The following ATAD2B variants were observed in gnomAD, a reference collection of about 807,000 sequenced individuals.
The protein encoded by ATAD2B is ATPase family AAA domain-containing protein 2B.
ATAD2B carries 40 observed loss-of-function variants against 167.6 expected under a neutral mutation model. The ratio of observed to expected loss-of-function variants is 0.24; its 90% confidence interval spans 0.19 to 0.31. ATAD2B has a LOEUF of 0.31. ATAD2B is among the 10% of genes least tolerant of loss of function. The probability of loss-of-function intolerance (pLI) is 1.00; values close to 1 mark genes in which losing one functional copy is unlikely to be tolerated. For missense variants in ATAD2B, 1,242 were observed against 1,757.2 expected, an observed-to-expected ratio of 0.71 and a Z score of 5.24; for synonymous variants, 579 against 596.5, an observed-to-expected ratio of 0.97 and a Z score of 0.43.
chr2:23,730,957 C>T, the ATAD2B span, among the ~76,000 whole-genome samples: 1 of 151,322 alleles, frequency 6.6e-6, no homozygotes. Flanking sequence ...TACAAATTGC[C>T]AATATCAGGA....
chr2:23,922,670 C>G (rs1250498639), intron 1 of ATAD2B, among the ~76,000 whole-genome samples: 1 of 146,490 alleles, frequency 6.8e-6, no homozygotes, highest in Non-Finnish European at 1.5e-5. Context: ...GTGAACCACT[C>G]CAGCCTGGGC....
chr2:23,888,213 T>C (rs1698973611), intron 3 of ATAD2B, 137 bp downstream of exon 3: 1 of 732,710 alleles, frequency 1.4e-6, no homozygotes, highest in Non-Finnish European at 2.2e-6. Flanking sequence ...CATACTTTTT[T>C]TACTATGACT....
At chr2:23,681,901 C>G in the ATAD2B span, among the ~76,000 whole-genome samples, 1 of 152,214 alleles carries the variant, frequency 6.6e-6, no homozygotes, top group African/African-American at 2.4e-5. This position sits in a 1 kb window ranked among gnomAD's most constrained non-coding sequence, Gnocchi z 4.2. Flanking sequence ...GGCCCTGCAA[C>G]TGGCCCTGTG....
chr2:23,780,877 C>G (rs1347226413), intron 22 of ATAD2B, among the ~76,000 whole-genome samples: 1 of 152,168 alleles, frequency 6.6e-6, no homozygotes, highest in East Asian at 1.9e-4. Flanking sequence ...GCACTCCAGC[C>G]TGGGTGACAC....
intron 24 of ATAD2B, among the ~76,000 whole-genome samples, chr2:23,761,934 TG>T (rs1249473178): frequency 6.6e-6 from 1 of 152,210 alleles, no homozygotes; most frequent in African/African-American, 2.4e-5. Context: ...TGGCTCCACA[TG>T]GCTATCCAAA....
chr2:23,924,254 T>C (rs1193252193), intron 1 of ATAD2B, among the ~76,000 whole-genome samples: 1 of 152,088 alleles, frequency 6.6e-6, no homozygotes, highest in African/African-American at 2.4e-5. Flanking sequence ...AACAGGAATA[T>C]TATGTTACAA....
chr2:23,756,687 G>C (rs1675990820), intron 25 of ATAD2B, among the ~76,000 whole-genome samples: 1 of 152,126 alleles, frequency 6.6e-6, no homozygotes, highest in Non-Finnish European at 1.5e-5. Context: ...GATTCCCTGA[G>C]AACAAGGTAA....
intron 1 of ATAD2B, among the ~76,000 whole-genome samples, chr2:23,900,149 C>G (rs1007511918): frequency 1.3e-5 from 2 of 151,946 alleles, no homozygotes; most frequent in South Asian, 4.1e-4. Context: ...AACTCCTGAC[C>G]TCGTGATCTG....
chr2:23,717,104 G>A, the ATAD2B span, among the ~76,000 whole-genome samples: 4 of 152,110 alleles, frequency 2.6e-5, no homozygotes, highest in Non-Finnish European at 4.4e-5. Context: ...GGACAACATC[G>A]AAAATAAAAT....
At chr2:23,878,717 T>C (rs1697414374) in intron 7 of ATAD2B, among the ~76,000 whole-genome samples, 1 of 151,530 alleles carries the variant, frequency 6.6e-6, no homozygotes, top group Admixed American at 6.6e-5. Context: ...AAAGATACTA[T>C]TGAGAGAATA....
chr2:23,722,457 A>G, the ATAD2B span, among the ~76,000 whole-genome samples: 2 of 152,232 alleles, frequency 1.3e-5, no homozygotes, highest in African/African-American at 4.8e-5. Flanking sequence ...AAAAAATACA[A>G]CTGAGAGCTT....
intron 8 of ATAD2B, among the ~76,000 whole-genome samples, chr2:23,870,110 GGAA>G (rs74873285): frequency 0.16 from 24,415 of 150,896 alleles, 2,625 homozygotes; most frequent in Non-Finnish European, 0.25. Flanking sequence ...GGGAGGCTGA[GGAA>G]GAAGAATTGC....
At chr2:23,735,150 TA>T in the ATAD2B span, among the ~76,000 whole-genome samples, 1 of 152,186 alleles carries the variant, frequency 6.6e-6, no homozygotes, top group Non-Finnish European at 1.5e-5. Context: ...GACCCCAAAC[TA>T]CCTATACAGC....
the ATAD2B span, among the ~76,000 whole-genome samples, chr2:23,701,812 T>C: frequency 1.4e-5 from 2 of 143,682 alleles, no homozygotes; most frequent in South Asian, 2.4e-4. Flanking sequence ...TTTTTTTTTT[T>C]TTTTTTTCAG....
At chr2:23,778,222 C>T (rs921026280) in intron 22 of ATAD2B, among the ~76,000 whole-genome samples, 1 of 152,064 alleles carries the variant, frequency 6.6e-6, no homozygotes, top group Non-Finnish European at 1.5e-5. Context: ...TGTATCAGAA[C>T]AAGTGAAGAA....
At chr2:23,891,732 C>G (rs982946606) in intron 2 of ATAD2B, among the ~76,000 whole-genome samples, 3 of 151,506 alleles carry the variant, frequency 2.0e-5, no homozygotes, top group African/African-American at 7.3e-5. Context: ...CAGATGATAC[C>G]CCCCCGCCCC....
intron 2 of ATAD2B, among the ~76,000 whole-genome samples, chr2:23,891,240 G>C (rs2150323843): frequency 6.6e-6 from 1 of 151,980 alleles, no homozygotes; most frequent in East Asian, 1.9e-4. Flanking sequence ...GGCTGATCTT[G>C]AACTCCTGAC....
Position 23,770,080 on chromosome 2 carries a change from C to T in ATAD2B, c.3134-4452G>A, listed in dbSNP as rs1426542795. The stretch of plus-strand genomic sequence containing the variant: ...ATCCCAGCACTTTGGAAGGCCGAGG[C>T]GGGCGGGTAACCTGAGGTCAGGAGT... On this transcript the variant is annotated intron_variant, in intron 22 of 27. Coordinates refer to ENST00000238789, the MANE Select transcript of ATAD2B (RefSeq NM_017552.4). Among the ~76,000 whole-genome samples, 11 of 150,442 alleles carry T rather than the reference C, an allele frequency of 7.3e-5. No individual in the cohort carries two copies. The East Asian group carries it at 1.2e-3, about 17-fold the overall frequency.
intron 25 of ATAD2B, 155 bp from the exon 26 acceptor site, chr2:23,754,929 T>A: frequency 1.5e-6 from 1 of 685,722 alleles, no homozygotes; most frequent in African/African-American, 1.8e-5. Context: ...CCCAATGTGG[T>A]AGATTTTTTA....
Sources: gnomAD v4.1 joint callset for allele counts (sites outside exome capture counted in the v4.1 genomes callset) on GRCh38, gnomAD v4.1.1 for gene constraint, Gnocchi (gnomAD v3.1) non-coding constraint, MANE v1.5 for transcripts, NCBI Gene and HGNC (gene_info 2026-07-23, HGNC 2026-07-21) for gene names.